Variants in RYR2 observed in about 807,000 individuals in gnomAD.
RYR2 encodes the protein ryanodine receptor 2.
A neutral mutation model predicts 601.1 loss-of-function variants in RYR2; 227 were observed. The observed-to-expected ratio is 0.38, with a 90% CI of 0.34 to 0.42. The LOEUF is 0.42. RYR2 is among the 10% of genes least tolerant of loss of function. The pLI is 1.00. For synonymous variants in RYR2, 2,223 were observed against 2,175.1 expected (o/e 1.02, Z -0.61); for missense variants, 4,646 against 6,156.5 (o/e 0.75, Z 8.21).
intron 43 of RYR2, among the ~76,000 whole-genome samples, 170 bp downstream of exon 43, chr1:237,633,880 T>A (rs1680596586): frequency 6.6e-6 from 1 of 152,224 alleles, no homozygotes; most frequent in Non-Finnish European, 1.5e-5. Flanking sequence ...TCACTCATCA[T>A]CAGCAAAGTG....
At position 237,617,274 on chromosome 1, in the gene RYR2, A is replaced by G; in HGVS notation, c.5716-12A>G. On this transcript the variant is annotated splice_polypyrimidine_tract_variant and intron_variant, in intron 37 of 104. Coordinates refer to ENST00000366574, the MANE Select transcript of RYR2 (RefSeq NM_001035.3). ...AGAAATTAAATTTGGTGTCTTTTTAATGGTCTCTTAGATGTGCCTACTGCT... is the reference window on the plus strand; with the variant it reads ...AGAAATTAAATTTGGTGTCTTTTTAGTGGTCTCTTAGATGTGCCTACTGCT... The G allele has an allele frequency of 6.3e-7, 1 of 1,596,112 alleles. No individual in the cohort carries two copies. The highest frequency in any genetic ancestry group is 8.5e-7 in the Non-Finnish European group (1 of 1,171,270).
At chr1:237,590,075 G>T in intron 30 of RYR2, 74 bp downstream of exon 30, 1 of 1,318,702 alleles carries the variant, frequency 7.6e-7, no homozygotes. Flanking sequence ...AGGAACTTCT[G>T]CTTAGACAAT....
chr1:237,599,486 G>GA (rs55679311), intron 34 of RYR2, among the ~76,000 whole-genome samples: 4 of 151,712 alleles, frequency 2.6e-5, no homozygotes, highest in African/African-American at 7.3e-5. Flanking sequence ...AATGCTCTGA[G>GA]AAAAAAAATC....
intron 17 of RYR2, among the ~76,000 whole-genome samples, chr1:237,470,837 A>G (rs967290139): frequency 6.6e-6 from 1 of 152,072 alleles, no homozygotes; most frequent in Non-Finnish European, 1.5e-5. Flanking sequence ...CAGCTGTCTC[A>G]AAGAGAGAGA....
chr1:237,448,080 C>T (rs1055147108), intron 14 of RYR2, among the ~76,000 whole-genome samples: 19 of 151,916 alleles, frequency 1.3e-4, no homozygotes, highest in Non-Finnish European at 2.8e-4. Flanking sequence ...GTGTGCATCA[C>T]CACTCCTGGC....
chr1:237,092,312 G>A (rs1378281116), intron 1 of RYR2, among the ~76,000 whole-genome samples: 1 of 152,116 alleles, frequency 6.6e-6, no homozygotes, highest in Non-Finnish European at 1.5e-5. Context: ...TGGCCATTTT[G>A]ATGCCTTATG....
chr1:237,585,330 G>A (rs909382441), intron 29 of RYR2, among the ~76,000 whole-genome samples: 12 of 152,126 alleles, frequency 7.9e-5, no homozygotes, highest in African/African-American at 2.4e-4. Context: ...TGGTAATAAC[G>A]ATTCCTATCT....
intron 1 of RYR2, among the ~76,000 whole-genome samples, chr1:237,261,755 A>G (rs1026185457): frequency 1.3e-5 from 2 of 152,004 alleles, no homozygotes; most frequent in Admixed American, 1.3e-4. Context: ...TCAATTTCTC[A>G]TTCCTCCTTA....
intron 29 of RYR2, among the ~76,000 whole-genome samples, chr1:237,575,262 A>G (rs1673115318): frequency 6.6e-6 from 1 of 152,216 alleles, no homozygotes; most frequent in Non-Finnish European, 1.5e-5. Flanking sequence ...TTTTACCCAC[A>G]GAGGTATAGT....
intron 1 of RYR2, among the ~76,000 whole-genome samples, chr1:237,193,544 A>G (rs1680242657): frequency 6.6e-6 from 1 of 152,148 alleles, no homozygotes; most frequent in South Asian, 2.1e-4. Context: ...TAAAATGTGG[A>G]ATCCTGAGGG....
At chr1:237,686,122 A>T (rs980378070) in intron 62 of RYR2, among the ~76,000 whole-genome samples, 2 of 152,046 alleles carry the variant, frequency 1.3e-5, no homozygotes, top group African/African-American at 2.4e-5. Context: ...AGTCCTGGGG[A>T]GCTGCACGTT....
At chr1:237,228,137 C>A (rs567423773) in intron 1 of RYR2, among the ~76,000 whole-genome samples, 13 of 152,226 alleles carry the variant, frequency 8.5e-5, no homozygotes, top group Non-Finnish European at 1.8e-4. Context: ...CCCACCCTTT[C>A]CCCACAAGTC....
chr1:237,801,271 A>G (rs991200594), intron 97 of RYR2, among the ~76,000 whole-genome samples: 1 of 151,110 alleles, frequency 6.6e-6, no homozygotes, highest in Non-Finnish European at 1.5e-5. Context: ...TGGTGCATGC[A>G]TGTAATCCCA....
intron 3 of RYR2, among the ~76,000 whole-genome samples, chr1:237,350,523 A>T (rs1033566489): frequency 7.3e-6 from 1 of 137,678 alleles, no homozygotes; most frequent in Admixed American, 7.8e-5. Flanking sequence ...GTGAGCTGAG[A>T]TCGCACCACT....
chr1:237,674,587 A>G (rs1365163951), intron 59 of RYR2, 144 bp from the exon 60 acceptor site: 1 of 447,130 alleles, frequency 2.2e-6, no homozygotes. Context: ...TTGAGCTACA[A>G]TAACATTAGA....
chr1:237,673,277 T>G (rs990292044), intron 58 of RYR2, among the ~76,000 whole-genome samples: 6 of 152,186 alleles, frequency 3.9e-5, no homozygotes, highest in African/African-American at 1.4e-4. Flanking sequence ...TTAATAGCAT[T>G]CTTTGTATCA....
intron 41 of RYR2, among the ~76,000 whole-genome samples, chr1:237,630,541 T>G (rs2148679206): frequency 6.6e-6 from 1 of 152,278 alleles, no homozygotes. Flanking sequence ...AATAGGTGAG[T>G]AATTCAGTTA....
At chr1:237,628,663 C>T (rs1311165516) in intron 41 of RYR2, among the ~76,000 whole-genome samples, 1 of 151,884 alleles carries the variant, frequency 6.6e-6, no homozygotes, top group Non-Finnish European at 1.5e-5. Flanking sequence ...ACTAATTTTA[C>T]AGTGTGGCAC....
intron 8 of RYR2, among the ~76,000 whole-genome samples, chr1:237,379,968 C>T (rs1320149402): frequency 6.6e-6 from 1 of 152,162 alleles, no homozygotes; most frequent in Non-Finnish European, 1.5e-5. Flanking sequence ...GGACACATCA[C>T]TCATGCTTTC....
Sources: allele counts gnomAD v4.1 joint callset (sites outside exome capture counted in the v4.1 genomes callset), GRCh38; gene constraint gnomAD v4.1.1; transcripts MANE v1.5; gene names NCBI Gene and HGNC (gene_info 2026-07-23, HGNC 2026-07-21).